The following FAM220A variants were observed in gnomAD, a reference collection of about 807,000 sequenced individuals.
The protein encoded by FAM220A is protein FAM220A.
For missense variants in FAM220A, 392 were observed against 321.6 expected (o/e 1.22, Z -1.68); for synonymous variants, 141 against 130.7 (o/e 1.08, Z -0.54).
rs1781935137 is a variant in FAM220A, at chr7:6,345,474, T to C, written c.-82+3099A>G. Reference sequence around the variant, plus strand: ...ATTGCTTGGTGGAGATGGCAGATACTACAATAGTCCAGGCGAGTGGATACA... The same window carrying C: ...ATTGCTTGGTGGAGATGGCAGATACCACAATAGTCCAGGCGAGTGGATACA... On this transcript the variant is annotated intron_variant, in intron 1 of 1. Transcript: ENST00000313324. 1.3e-5 allele frequency among the ~76,000 whole-genome samples: 2 copies of C among 152,080 alleles called. 1 individual carries two copies. Among genetic ancestry groups the C allele is most frequent in the South Asian group, 4.1e-4 (2 of 4,828 alleles).
chr7:6,340,953 C>CCCTGTCT (rs1001697887), intron 1 of FAM220A, among the ~76,000 whole-genome samples: 1 of 117,770 alleles, frequency 8.5e-6, no homozygotes, highest in Non-Finnish European at 1.6e-5. Flanking sequence ...CATGGTGAAA[C>CCCTGTCT]CCTGTCTCTA....
At chr7:6,338,651 C>G (rs539046654) in intron 1 of FAM220A, 2 of 152,424 alleles carry the variant, frequency 1.3e-5, no homozygotes, top group Admixed American at 6.5e-5. Flanking sequence ...GAGCGGTCAC[C>G]TTCCTCGCAG....
rs1486906252 is a variant in FAM220A, at chr7:6,340,964, C to T, written c.-82+7609G>A. Among the ~76,000 whole-genome samples, 8 of 38,842 alleles carry T rather than the reference C, an allele frequency of 2.1e-4. No individual in the cohort carries two copies. The South Asian group carries it at 3.0e-3, about 14-fold the overall frequency. The allele number at this position is 38,842 out of a possible 152,430, so 25.5% of individuals were successfully genotyped here. On this transcript the variant is annotated intron_variant, in intron 1 of 1. Coordinates refer to ENST00000313324, the MANE Select transcript of FAM220A (RefSeq NM_001037163.2). Reference sequence around the variant, plus strand: ...CTAACATGGTGAAACCCTGTCTCTACTAAAAAAAAAAAAAAAAAAAATTCA... The same window carrying T: ...CTAACATGGTGAAACCCTGTCTCTATTAAAAAAAAAAAAAAAAAAAATTCA...
At chr7:6,334,685 C>G (rs937124899) in intron 1 of FAM220A, among the ~76,000 whole-genome samples, 2 of 151,900 alleles carry the variant, frequency 1.3e-5, no homozygotes, top group African/African-American at 4.8e-5. Flanking sequence ...AGGCTGGTCT[C>G]AAACTCCTGA....
Position 6,331,254 on chromosome 7 carries a change from T to C in FAM220A, c.-81-19A>G, listed in dbSNP as rs1200732711. ...TATGAACCTAGGAAAGGGAATCAAA[T>C]TAAAGTTCTAAAATGAAGACACATG... On this transcript the variant is annotated intron_variant, in intron 1 of 1. Coordinates refer to ENST00000313324, the MANE Select transcript of FAM220A (RefSeq NM_001037163.2). The C allele has an allele frequency of 1.6e-6, 2 of 1,251,218 alleles. No homozygotes were observed. Among genetic ancestry groups the C allele is most frequent in the African/African-American group, 1.5e-5 (1 of 65,966 alleles). The allele number at this position is 1,251,218 out of a possible 1,614,324, so 77.5% of individuals were successfully genotyped here.
Position 6,329,988 on chromosome 7 carries a change from A to G in FAM220A, c.*387T>C. 1 of 218,736 alleles carries G rather than the reference A, an allele frequency of 4.6e-6. No homozygotes were observed. The highest frequency in any genetic ancestry group is 9.9e-6 in the Non-Finnish European group (1 of 101,384). 13.5% of individuals were successfully genotyped at this position (218,736 alleles called of 1,614,324 possible). On this transcript the variant is annotated 3_prime_UTR_variant, in exon 2 of 2. Coordinates refer to ENST00000313324, the MANE Select transcript of FAM220A (RefSeq NM_001037163.2). The stretch of plus-strand genomic sequence containing the variant: ...CGCCAAGTACAGTGGTGTAGACTTT[A>G]CAAGTATCCACTTCCATTGGGTGAT...
At position 6,348,637 on chromosome 7, in the gene FAM220A, C is replaced by T; in HGVS notation, c.-146G>A. 2.0e-6 allele frequency: 1 copy of T among 505,642 alleles called. No individual in the cohort carries two copies. The allele number at this position is 505,642 out of a possible 1,614,324, so 31.3% of individuals were successfully genotyped here. A position where few individuals can be genotyped will look rare whatever the true frequency, so the allele number is the denominator to read the frequency against. On this transcript the variant is annotated 5_prime_UTR_variant, in exon 1 of 2. Coordinates refer to ENST00000313324, the MANE Select transcript of FAM220A (RefSeq NM_001037163.2). ...GAGGTAGGGGAAGTTGATACGCAGC[C>T]GCCAGGCCAGGTCGAAGAAGATGAG...
intron 1 of FAM220A, among the ~76,000 whole-genome samples, chr7:6,339,552 C>A (rs2115140085): frequency 6.6e-6 from 1 of 151,788 alleles, no homozygotes; most frequent in East Asian, 1.9e-4. Flanking sequence ...GGAGCAATCT[C>A]AGCTCACTGC....
In FAM220A at chr7:6,348,443, C is replaced by T. The variant is rs1781997747; in HGVS notation, c.-82+130G>A. 3 of 391,726 alleles carry T rather than the reference C, an allele frequency of 7.7e-6. No individual in the cohort carries two copies. In the East Asian group the frequency reaches 1.1e-4, roughly 14 times the overall value. The allele number at this position is 391,726 out of a possible 1,614,324, so 24.3% of individuals were successfully genotyped here. ...AGTGGATCTCCCCAAAGTAGGGTCG[C>T]ACGGGAAAATGCACGGTGCTTGACA... On this transcript the variant is annotated intron_variant, in intron 1 of 1. Transcript: ENST00000313324.
intron 1 of FAM220A, among the ~76,000 whole-genome samples, chr7:6,340,839 C>A (rs1339037143): frequency 2.1e-5 from 3 of 139,536 alleles, no homozygotes; most frequent in Admixed American, 1.5e-4. Context: ...GCGGAGCTGG[C>A]AGTGAGCCGA....
intron 1 of FAM220A, among the ~76,000 whole-genome samples, chr7:6,338,916 G>A (rs748009442): frequency 4.6e-5 from 7 of 152,156 alleles, no homozygotes; most frequent in Non-Finnish European, 8.8e-5. Flanking sequence ...ACTGCCGCAC[G>A]CAAGGAGAGC....
intron 1 of FAM220A, among the ~76,000 whole-genome samples, chr7:6,347,973 C>A (rs1299446302): frequency 2.0e-5 from 3 of 150,564 alleles, no homozygotes; most frequent in African/African-American, 7.3e-5. Context: ...CGCAATGGAG[C>A]GATCTCGGCT....
chr7:6,333,945 C>T (rs1781694144), intron 1 of FAM220A, among the ~76,000 whole-genome samples: 1 of 148,256 alleles, frequency 6.7e-6, no homozygotes, highest in Non-Finnish European at 1.5e-5. Context: ...CTCCCGGGTT[C>T]ACGCCATTCT....
At position 6,348,780 on chromosome 7, in the gene FAM220A, G is replaced by T; in HGVS notation, c.-289C>A. On this transcript the variant is annotated 5_prime_UTR_variant, in exon 1 of 2. It adds an upstream start codon to the 5' untranslated region. Coordinates refer to ENST00000313324, the MANE Select transcript of FAM220A (RefSeq NM_001037163.2). ...CCATATAGAGACCGGCGCTCCCACA[G>T]CCCCCCCGCCCGCCCTCTCCGCGCC... The T allele has an allele frequency of 5.0e-6, 2 of 397,502 alleles. No individual in the cohort carries two copies. Among genetic ancestry groups the T allele is most frequent in the Non-Finnish European group, 4.4e-6 (1 of 225,320 alleles). 24.6% of individuals were successfully genotyped at this position (397,502 alleles called of 1,614,324 possible).
intron 1 of FAM220A, among the ~76,000 whole-genome samples, chr7:6,340,898 C>CAAA (rs34572127): frequency 5.9e-5 from 2 of 33,690 alleles, no homozygotes; most frequent in African/African-American, 2.6e-4. Flanking sequence ...GACTCCATCT[C>CAAA]AAAAAAAAAA....
At chr7:6,341,220 A>AGATC (rs1403571924) in intron 1 of FAM220A, among the ~76,000 whole-genome samples, 1 of 151,384 alleles carries the variant, frequency 6.6e-6, no homozygotes, top group Non-Finnish European at 1.5e-5. Flanking sequence ...CAAGGAGGGT[A>AGATC]GATCAGGAGG....
chr7:6,336,817 G>A (rs1004907573), intron 1 of FAM220A, among the ~76,000 whole-genome samples: 9 of 151,932 alleles, frequency 5.9e-5, no homozygotes, highest in African/African-American at 2.2e-4. Flanking sequence ...ACCACATCCA[G>A]CTAATTTTTT....
In FAM220A at chr7:6,330,808, C is replaced by G; in HGVS notation, c.347G>C (p.Arg116Pro). ...AGCTTCAACACCACTGCAGGACACC[C>G]GAGCAAAACACTCTGTTGGAGCAGG... ...LFPAPTECFA[R>P]VSCSGVEALG... The change falls in exon 2 of 2, where the codon CGG (arginine) becomes CCG (proline). Residue 116 changes from arginine to proline, a missense_variant. Arg to Pro is a moderately radical substitution (Grantham distance 103, BLOSUM62 -2). Coordinates refer to ENST00000313324, the MANE Select transcript of FAM220A (RefSeq NM_001037163.2). The G allele has an allele frequency of 6.2e-7, 1 of 1,614,156 alleles. No individual in the cohort carries two copies.
At chr7:6,338,257 T>C (rs1463555389) in intron 1 of FAM220A, among the ~76,000 whole-genome samples, 1 of 152,174 alleles carries the variant, frequency 6.6e-6, no homozygotes, top group Admixed American at 6.6e-5. Flanking sequence ...ATTTATGAGT[T>C]TTTTCATAGT....
Sources: allele counts gnomAD v4.1 joint callset (sites outside exome capture counted in the v4.1 genomes callset), GRCh38; gene constraint gnomAD v4.1.1; transcripts MANE v1.5; gene names NCBI Gene and HGNC (gene_info 2026-07-23, HGNC 2026-07-21).